SSBP3: variants seen among roughly 807,000 people sequenced by gnomAD.
The protein encoded by SSBP3 is single stranded DNA binding protein 3.
A neutral mutation model predicts 69.6 loss-of-function variants in SSBP3; 5 were observed. That is an observed-to-expected ratio of 0.07 (90% confidence interval 0.04 to 0.15). The LOEUF (loss-of-function observed/expected upper bound fraction) is 0.15. Ranked by LOEUF, SSBP3 falls within the 10% of genes least tolerant of loss-of-function variation. The probability of loss-of-function intolerance (pLI) is 1.00; values close to 1 mark genes in which losing one functional copy is unlikely to be tolerated. For synonymous variants in SSBP3, 196 were observed against 193.4 expected (o/e 1.01, Z -0.11); for missense variants, 312 against 534.0 (o/e 0.58, Z 4.10).
intron 4 of SSBP3, among the ~76,000 whole-genome samples, chr1:54,307,010 G>A (rs909939219): frequency 1.3e-5 from 2 of 152,088 alleles, no homozygotes; most frequent in African/African-American, 4.8e-5. Context: ...GACTCAAGCA[G>A]CATTCCAGCT....
intron 4 of SSBP3, among the ~76,000 whole-genome samples, chr1:54,288,806 C>A (rs1645540484): frequency 6.6e-6 from 1 of 151,944 alleles, no homozygotes; most frequent in African/African-American, 2.4e-5. Flanking sequence ...ATCACAAGGT[C>A]AGGAGATCGA....
chr1:54,400,617 G>C (rs566370527), intron 4 of SSBP3, among the ~76,000 whole-genome samples: 1 of 152,306 alleles, frequency 6.6e-6, no homozygotes, highest in East Asian at 1.9e-4. Context: ...GAGGGAACAA[G>C]AACTGCTCAA....
chr1:54,375,445 C>T (rs1004995479), intron 4 of SSBP3, among the ~76,000 whole-genome samples: 22 of 152,308 alleles, frequency 1.4e-4, no homozygotes, highest in African/African-American at 5.3e-4. Context: ...CTCTTTCCCA[C>T]AGGCCAGTCC....
chr1:54,405,016 AG>A (rs1445185703), intron 1 of SSBP3, 86 bp from the exon 2 acceptor site: 2 of 1,236,754 alleles, frequency 1.6e-6, no homozygotes, highest in Admixed American at 3.8e-5. Context: ...GCAGGCTTTG[AG>A]CCCTGTCTGC....
chr1:54,327,158 C>T (rs1161031881), intron 4 of SSBP3, among the ~76,000 whole-genome samples: 1 of 151,244 alleles, frequency 6.6e-6, no homozygotes, highest in African/African-American at 2.4e-5. Flanking sequence ...TTCTGGGGTG[C>T]TCTGAGGGTG....
At chr1:54,341,488 C>T (rs1312822531) in intron 4 of SSBP3, among the ~76,000 whole-genome samples, 1 of 152,108 alleles carries the variant, frequency 6.6e-6, no homozygotes, top group Non-Finnish European at 1.5e-5. Flanking sequence ...AGAATAGATG[C>T]CGACCTGCCA....
chr1:54,256,962 G>A (rs552134335), intron 7 of SSBP3, among the ~76,000 whole-genome samples, 165 bp downstream of exon 7: 1 of 152,290 alleles, frequency 6.6e-6, no homozygotes, highest in South Asian at 2.1e-4. Context: ...TGGGCACAGC[G>A]GGGACATGGG....
At chr1:54,227,207 G>T in intron 17 of SSBP3, 47 bp from the exon 18 acceptor site, 1 of 1,134,986 alleles carries the variant, frequency 8.8e-7, no homozygotes, top group Non-Finnish European at 1.3e-6. Context: ...ATTGTGGGGA[G>T]GCCGCTGACA....
At chr1:54,247,708 T>C (rs1045089425) in intron 9 of SSBP3, among the ~76,000 whole-genome samples, 1 of 152,166 alleles carries the variant, frequency 6.6e-6, no homozygotes, top group South Asian at 2.1e-4. Context: ...AACAAGTCGG[T>C]GGCTCTCAGA....
chr1:54,379,511 G>C (rs1647450147), intron 4 of SSBP3, among the ~76,000 whole-genome samples: 1 of 152,180 alleles, frequency 6.6e-6, no homozygotes, highest in South Asian at 2.1e-4. Context: ...CGCTTGATTT[G>C]TTTTGTTTTG....
At chr1:54,265,167 A>C (rs961695764) in intron 5 of SSBP3, among the ~76,000 whole-genome samples, 5 of 152,204 alleles carry the variant, frequency 3.3e-5, no homozygotes, top group Non-Finnish European at 1.5e-5. Context: ...ACAGCCCCCA[A>C]GGAAAGGGAA....
chr1:54,252,600 T>C (rs1470842818), intron 7 of SSBP3, among the ~76,000 whole-genome samples: 1 of 152,158 alleles, frequency 6.6e-6, no homozygotes, highest in Non-Finnish European at 1.5e-5. Context: ...GCTCCAGAGC[T>C]GGGGCCATCG....
intron 14 of SSBP3, among the ~76,000 whole-genome samples, chr1:54,232,913 C>T (rs1040972745): frequency 1.4e-4 from 22 of 152,122 alleles, no homozygotes; most frequent in Non-Finnish European, 2.5e-4. Flanking sequence ...AGTGCAGTGG[C>T]GTGATCTCGG....
At chr1:54,313,433 T>C (rs1023621797) in intron 4 of SSBP3, among the ~76,000 whole-genome samples, 2 of 133,978 alleles carry the variant, frequency 1.5e-5, no homozygotes, top group African/African-American at 3.0e-5. Flanking sequence ...TGTGTGCCTG[T>C]GCTTTTTTTT....
chr1:54,276,437 C>G (rs180974553), intron 5 of SSBP3, among the ~76,000 whole-genome samples: 61 of 151,756 alleles, frequency 4.0e-4, no homozygotes, highest in African/African-American at 1.4e-3. Context: ...ATGGTGAAAC[C>G]CCATCTCTAC....
intron 4 of SSBP3, among the ~76,000 whole-genome samples, chr1:54,375,719 T>C (rs1172256269): frequency 2.0e-5 from 3 of 152,210 alleles, no homozygotes; most frequent in African/African-American, 7.2e-5. Context: ...AAGCCATCTA[T>C]GTAAAGTAAC....
chr1:54,259,466 C>T (rs1193299582), intron 5 of SSBP3, among the ~76,000 whole-genome samples: 1 of 152,218 alleles, frequency 6.6e-6, no homozygotes, highest in Non-Finnish European at 1.5e-5. Context: ...TTCCAGCCCA[C>T]CCAGCGTGGG....
chr1:54,257,494 CCT>C (rs1644942797), intron 6 of SSBP3, among the ~76,000 whole-genome samples: 1 of 152,086 alleles, frequency 6.6e-6, no homozygotes, highest in South Asian at 2.1e-4. Context: ...GAGGAGGAAA[CCT>C]CTGCTCTCGG....
Position 54,398,137 on chromosome 1 carries a change from C to T in SSBP3, c.276+3724G>A, listed in dbSNP as rs529116445. ...ATTTCTAGTCTCAGCTCTGCCAACA[C>T]CTGGCTGCCTGCCCTTGGACAAGCC... On this transcript the variant is annotated intron_variant, in intron 4 of 17. Transcript: ENST00000610401. Among the ~76,000 whole-genome samples, 7 of 152,326 alleles carry T rather than the reference C, an allele frequency of 4.6e-5. No homozygotes were observed. The South Asian group carries it at 1.2e-3, about 27-fold the overall frequency.
Sources: gnomAD v4.1 joint callset for allele counts (sites outside exome capture counted in the v4.1 genomes callset) on GRCh38, gnomAD v4.1.1 for gene constraint, MANE v1.5 for transcripts, NCBI Gene and HGNC (gene_info 2026-07-23, HGNC 2026-07-21) for gene names.